EEIG2: variants seen among roughly 807,000 people sequenced by gnomAD.
EEIG2 encodes family with sequence similarity 102 member B.
chr1:108,637,209 C>T, the EEIG2 span: 4 of 152,132 alleles, frequency 2.6e-5, no homozygotes, highest in African/African-American at 7.2e-5. Flanking sequence ...TCTTAGCAGC[C>T]ATCAGATACA....
chr1:108,638,561 T>C, the EEIG2 span: 1 of 152,184 alleles, frequency 6.6e-6, no homozygotes, highest in Non-Finnish European at 1.5e-5. Flanking sequence ...TATGACGGGG[T>C]TGCATTTTAT....
chr1:108,598,920 C>G, the EEIG2 span, among the ~76,000 whole-genome samples: 1 of 151,946 alleles, frequency 6.6e-6, no homozygotes, highest in Admixed American at 6.6e-5. Context: ...AATCCTGACA[C>G]TTTGGGAGAC....
the EEIG2 span, among the ~76,000 whole-genome samples, chr1:108,562,446 C>T: frequency 6.6e-6 from 1 of 151,984 alleles, no homozygotes; most frequent in East Asian, 1.9e-4. Flanking sequence ...TCTGTGTAGC[C>T]AAACCAAAAA....
At chr1:108,575,224 T>A in the EEIG2 span, among the ~76,000 whole-genome samples, 1 of 152,182 alleles carries the variant, frequency 6.6e-6, no homozygotes, top group Admixed American at 6.5e-5. Context: ...AGTCAAAATG[T>A]TATTAGAGTC....
At chr1:108,596,945 G>T in the EEIG2 span, among the ~76,000 whole-genome samples, 1 of 152,034 alleles carries the variant, frequency 6.6e-6, no homozygotes, top group Non-Finnish European at 1.5e-5. Context: ...GCCCAGGCTG[G>T]TCTCAAACTC....
At chr1:108,589,615 G>A in the EEIG2 span, among the ~76,000 whole-genome samples, 16 of 151,862 alleles carry the variant, frequency 1.1e-4, no homozygotes, top group South Asian at 1.7e-3. Context: ...CACTGTTGAC[G>A]TGTTAGCCTC....
chr1:108,567,166 A>AT, the EEIG2 span, among the ~76,000 whole-genome samples: 1 of 152,086 alleles, frequency 6.6e-6, no homozygotes, highest in African/African-American at 2.4e-5. Flanking sequence ...AAAATAAAAA[A>AT]TTTTTTAATT....
At chr1:108,597,780 A>C in the EEIG2 span, among the ~76,000 whole-genome samples, 1 of 152,222 alleles carries the variant, frequency 6.6e-6, no homozygotes, top group Admixed American at 6.5e-5. Flanking sequence ...ACATGCACTC[A>C]ACCTGCCATG....
chr1:108,568,388 C>A, the EEIG2 span, among the ~76,000 whole-genome samples: 2 of 151,934 alleles, frequency 1.3e-5, no homozygotes, highest in African/African-American at 2.4e-5. Context: ...AATGGAGGTC[C>A]AAGGAAGATA....
chr1:108,579,547 C>T, the EEIG2 span, among the ~76,000 whole-genome samples: 1 of 148,268 alleles, frequency 6.7e-6, no homozygotes, highest in Non-Finnish European at 1.5e-5. Flanking sequence ...AGAAAGTCAA[C>T]AAGGATACCC....
At chr1:108,576,513 T>C in the EEIG2 span, among the ~76,000 whole-genome samples, 30 of 136,530 alleles carry the variant, frequency 2.2e-4, no homozygotes, top group Non-Finnish European at 4.1e-4. Flanking sequence ...GATCTCATTG[T>C]TCAATTCCCA....
the EEIG2 span, among the ~76,000 whole-genome samples, chr1:108,587,888 A>G: frequency 6.6e-5 from 10 of 152,210 alleles, no homozygotes; most frequent in South Asian, 1.7e-3. Context: ...TAGAATTTGC[A>G]TAGTTAGAGC....
At chr1:108,623,736 A>G in the EEIG2 span, among the ~76,000 whole-genome samples, 55 of 152,188 alleles carry the variant, frequency 3.6e-4, 1 homozygote, top group East Asian at 9.9e-3. Context: ...CAATGGTGCA[A>G]TCTCGGCTCA....
the EEIG2 span, among the ~76,000 whole-genome samples, chr1:108,598,962 T>A: frequency 6.6e-6 from 1 of 151,908 alleles, no homozygotes; most frequent in Non-Finnish European, 1.5e-5. Context: ...GCCCAGGAGT[T>A]TCAGACCAGC....
chr1:108,616,445 T>A, the EEIG2 span: 16 of 1,512,838 alleles, frequency 1.1e-5, no homozygotes, highest in Non-Finnish European at 1.4e-5. Flanking sequence ...TGATACCCAA[T>A]AAATGGATTA....
At chr1:108,624,628 T>A in the EEIG2 span, 1 of 1,610,346 alleles carries the variant, frequency 6.2e-7, no homozygotes, top group East Asian at 2.2e-5. Context: ...CTCCAGTTCG[T>A]AAATGTTTAT....
chr1:108,589,655 C>T, the EEIG2 span, among the ~76,000 whole-genome samples: 6 of 151,952 alleles, frequency 3.9e-5, no homozygotes, highest in African/African-American at 1.5e-4. Flanking sequence ...TCTCGTATAC[C>T]CTAAGTGTTC....
At chr1:108,618,836 CA>C in the EEIG2 span, among the ~76,000 whole-genome samples, 401 of 141,316 alleles carry the variant, frequency 2.8e-3, 2 homozygotes, top group African/African-American at 8.5e-3. Flanking sequence ...GCCCCTGTCT[CA>C]AAAAAAAAAA....
the EEIG2 span, among the ~76,000 whole-genome samples, chr1:108,606,767 A>G: frequency 2.0e-5 from 3 of 152,120 alleles, no homozygotes; most frequent in Admixed American, 6.5e-5. Flanking sequence ...ACCTCCATCA[A>G]TCCAGTCACC....
Sources: allele counts gnomAD v4.1 joint callset (sites outside exome capture counted in the v4.1 genomes callset), GRCh38; gene constraint gnomAD v4.1.1; transcripts MANE v1.5; gene names NCBI Gene and HGNC (gene_info 2026-07-23, HGNC 2026-07-21).